Variants in MAPK10 observed in about 807,000 individuals in gnomAD.
The protein encoded by MAPK10 is mitogen-activated protein kinase 10.
MAPK10 carries 25 observed loss-of-function variants against 59.3 expected under a neutral mutation model. The ratio of observed to expected loss-of-function variants is 0.42; its 90% CI spans 0.31 to 0.59. The LOEUF (loss-of-function observed/expected upper bound fraction) is 0.59. Among genes scored for constraint, MAPK10 ranks in the 20% least tolerant of loss-of-function variants. The pLI, the probability that MAPK10 is intolerant of heterozygous loss-of-function variation, is 0.15. For synonymous variants in MAPK10, 190 were observed against 200.5 expected (o/e 0.95, Z 0.44); for missense variants, 351 against 568.9 (o/e 0.62, Z 3.90).
intron 13 of MAPK10, among the ~76,000 whole-genome samples, chr4:86,023,535 T>C (rs1253696470): frequency 1.3e-5 from 2 of 152,110 alleles, no homozygotes; most frequent in Non-Finnish European, 2.9e-5. Context: ...ATCTGTCATT[T>C]CTTGACAATA....
At chr4:86,524,309 T>G (rs1244722469) in intron 1 of MAPK10, among the ~76,000 whole-genome samples, 1 of 152,212 alleles carries the variant, frequency 6.6e-6, no homozygotes, top group Non-Finnish European at 1.5e-5. Context: ...CTAACTCTCC[T>G]CCTAGCTTTC....
At chr4:86,579,999 A>G (rs1315531229) in intron 1 of MAPK10, among the ~76,000 whole-genome samples, 1 of 151,862 alleles carries the variant, frequency 6.6e-6, no homozygotes, top group African/African-American at 2.4e-5. Flanking sequence ...TTTTTTGTAG[A>G]TAGAGGTCTT....
chr4:86,052,296 C>T (rs17011338), intron 11 of MAPK10, among the ~76,000 whole-genome samples: 307 of 152,154 alleles, frequency 2.0e-3, no homozygotes, highest in African/African-American at 7.0e-3. Flanking sequence ...AAATGATAAT[C>T]TAGTCTAAGA....
chr4:86,560,384 G>A (rs1410867763), intron 1 of MAPK10, among the ~76,000 whole-genome samples: 1 of 152,132 alleles, frequency 6.6e-6, no homozygotes, highest in Non-Finnish European at 1.5e-5. Context: ...GAAATATGCT[G>A]TATTTGCCTT....
In MAPK10 at chr4:86,359,264, CT is replaced by C. The variant is rs1477401876; in HGVS notation, c.-122+393del. On this transcript the variant is annotated intron_variant, in intron 1 of 13. Transcript: ENST00000641462. ...ACAGCTGTTTGGTGTTTTTTTTTTCCTCTCTCTCTCTCTCTCTCTCTCTCTG... is the reference window on the plus strand; with the variant it reads ...ACAGCTGTTTGGTGTTTTTTTTTTCCCTCTCTCTCTCTCTCTCTCTCTCTG... 3.4e-3 allele frequency among the ~76,000 whole-genome samples: 22 copies of C among 6,434 alleles called. 2 individuals are homozygous for C. The highest frequency in any genetic ancestry group is 6.8e-3 in the African/African-American group (21 of 3,078). 4.2% of individuals were successfully genotyped at this position (6,434 alleles called of 152,430 possible). A position where few individuals can be genotyped will look rare whatever the true frequency, so the allele number is the denominator to read the frequency against.
At chr4:86,194,220 CTACTGT>C (rs2080725471) in intron 3 of MAPK10, 110 bp downstream of exon 3, 2 of 800,388 alleles carry the variant, frequency 2.5e-6, no homozygotes, top group Non-Finnish European at 4.2e-6. Flanking sequence ...TAATTCTAAA[CTACTGT>C]TAATATGATA....
intron 2 of MAPK10, among the ~76,000 whole-genome samples, chr4:86,301,658 T>G (rs1223767942): frequency 6.6e-6 from 1 of 152,202 alleles, no homozygotes; most frequent in African/African-American, 2.4e-5. Context: ...CAAATATTTA[T>G]TGAGCACTCA....
At chr4:86,220,604 T>C (rs983245751) in intron 2 of MAPK10, among the ~76,000 whole-genome samples, 1 of 152,260 alleles carries the variant, frequency 6.6e-6, no homozygotes, top group Non-Finnish European at 1.5e-5. Context: ...AACTGGCTGA[T>C]ATTTAGAAGG....
intron 11 of MAPK10, among the ~76,000 whole-genome samples, chr4:86,035,246 C>T (rs2039979539): frequency 6.6e-6 from 1 of 151,724 alleles, no homozygotes; most frequent in Non-Finnish European, 1.5e-5. Flanking sequence ...TGGCAGGCAC[C>T]TGTAATCCCA....
At chr4:86,430,162 T>A (rs1408895891) in intron 1 of MAPK10, among the ~76,000 whole-genome samples, 1 of 152,202 alleles carries the variant, frequency 6.6e-6, no homozygotes, top group East Asian at 1.9e-4. Context: ...GATGCCCTAC[T>A]ACGTACCCAT....
intron 3 of MAPK10, among the ~76,000 whole-genome samples, chr4:86,178,344 G>A (rs1404019677): frequency 6.6e-6 from 1 of 151,882 alleles, no homozygotes; most frequent in Non-Finnish European, 1.5e-5. Context: ...TGGATGTTTG[G>A]TGACTCATTA....
intron 9 of MAPK10, chr4:86,089,569 A>G: frequency 3.7e-6 from 1 of 266,738 alleles, no homozygotes; most frequent in African/African-American, 2.2e-5. Context: ...TTGATTTAAA[A>G]GGTCTAATTT....
Position 86,386,418 on chromosome 4 carries a change from A to G in MAPK10, c.-121-31774T>C, listed in dbSNP as rs554215383. Among the ~76,000 whole-genome samples the G allele has an allele frequency of 6.6e-5, 10 of 152,260 alleles. No homozygotes were observed. In the East Asian group the frequency reaches 1.9e-3, roughly 29 times the overall value. On this transcript the variant is annotated intron_variant, in intron 1 of 13. Coordinates refer to the MAPK10 transcript ENST00000361569. Reference sequence around the variant, plus strand: ...TCTAGAGCCTAAATCCCTGTGGAGAAAAGATCTGCCTGCCCTAGTCCAGGA... The same window carrying G: ...TCTAGAGCCTAAATCCCTGTGGAGAGAAGATCTGCCTGCCCTAGTCCAGGA...
intron 2 of MAPK10, among the ~76,000 whole-genome samples, chr4:86,257,392 C>G (rs1348158122): frequency 6.6e-6 from 1 of 152,204 alleles, no homozygotes; most frequent in East Asian, 1.9e-4. Flanking sequence ...TATCCACTCA[C>G]AGTGAATTCC....
chr4:86,282,493 A>G (rs1158237951), intron 2 of MAPK10, among the ~76,000 whole-genome samples: 2 of 152,200 alleles, frequency 1.3e-5, no homozygotes, highest in Admixed American at 1.3e-4. Flanking sequence ...AAAAGTAGAA[A>G]CGCCAATGGA....
intron 2 of MAPK10, among the ~76,000 whole-genome samples, chr4:86,242,740 C>T (rs757036226): frequency 6.6e-6 from 1 of 152,234 alleles, no homozygotes; most frequent in African/African-American, 2.4e-5. Flanking sequence ...GAAGTAGGTG[C>T]TGCTCTTCCC....
chr4:86,074,094 T>A (rs1465397683), intron 9 of MAPK10, among the ~76,000 whole-genome samples: 3 of 109,508 alleles, frequency 2.7e-5, no homozygotes, highest in Admixed American at 8.3e-5. Flanking sequence ...TGGGTGCATA[T>A]ATATTTAGGA....
intron 2 of MAPK10, among the ~76,000 whole-genome samples, chr4:86,318,544 A>C (rs930310659): frequency 2.6e-5 from 4 of 152,176 alleles, no homozygotes; most frequent in Non-Finnish European, 5.9e-5. Context: ...AAGCTAAATA[A>C]TATAATAAGG....
chr4:86,014,810 G>A lies in MAPK10; in HGVS notation c.*2418C>T, dbSNP rs933014239. On this transcript the variant is annotated 3_prime_UTR_variant, in exon 14 of 14. Transcript: ENST00000641462. ...AAGCACTTTGAAGATGCTGGCTGGA[G>A]ACTTCCTTCTGTCTTGTGATGTCAT... is the stretch of plus-strand genomic sequence containing the variant. 4 of 152,140 alleles carry A rather than the reference G, an allele frequency of 2.6e-5. No homozygotes were observed. The highest frequency in any genetic ancestry group is 4.8e-5 in the African/African-American group (2 of 41,414). 9.4% of individuals were successfully genotyped at this position (152,140 alleles called of 1,614,324 possible).
Sources: gnomAD v4.1 joint callset for allele counts (sites outside exome capture counted in the v4.1 genomes callset) on GRCh38, gnomAD v4.1.1 for gene constraint, MANE v1.5 for transcripts, NCBI Gene and HGNC (gene_info 2026-07-23, HGNC 2026-07-21) for gene names.